The following PSD3 variants were observed in gnomAD, a reference collection of about 807,000 sequenced individuals.
The protein encoded by PSD3 is PH and SEC7 domain-containing protein 3.
A neutral mutation model predicts 105.5 loss-of-function variants in PSD3; 49 were observed. The observed-to-expected ratio is 0.46, with a 90% CI of 0.37 to 0.59. The LOEUF (loss-of-function observed/expected upper bound fraction) is 0.59. Ranked by LOEUF, PSD3 falls within the 20% of genes least tolerant of loss-of-function variation. The pLI is 0.00. For synonymous variants in PSD3, 557 were observed against 457.8 expected (o/e 1.22, Z -2.77); for missense variants, 1,561 against 1,263.8 (o/e 1.24, Z -3.57).
At chr8:18,776,673 G>A (rs1324171374) in intron 8 of PSD3, among the ~76,000 whole-genome samples, 2 of 152,134 alleles carry the variant, frequency 1.3e-5, no homozygotes, top group East Asian at 3.9e-4. Context: ...ACCGCATCTG[G>A]CCTGGTTCTT....
At chr8:18,666,210 C>G (rs1317273900) in intron 9 of PSD3, among the ~76,000 whole-genome samples, 1 of 152,164 alleles carries the variant, frequency 6.6e-6, no homozygotes, top group Non-Finnish European at 1.5e-5. Flanking sequence ...GCCACTGTGT[C>G]CTGTTTATTT....
At position 18,594,595 on chromosome 8, in the gene PSD3, C is replaced by G. The variant is rs1394357119; in HGVS notation, c.2481+5769G>C. Among the ~76,000 whole-genome samples, 9 of 149,926 alleles carry G rather than the reference C, an allele frequency of 6.0e-5. No individual in the cohort carries two copies. The Admixed American group carries it at 6.1e-4, about 10-fold the overall frequency. ...GAAATGAAAGAATGCTAAACAGAAA[C>G]AAGAAAGTATAAAGCTCAATAGCAA... On this transcript the variant is annotated intron_variant, in intron 12 of 15. Coordinates refer to ENST00000327040, the MANE Select transcript of PSD3 (RefSeq NM_015310.4).
At chr8:18,568,927 G>C (rs1374087473) in intron 14 of PSD3, among the ~76,000 whole-genome samples, 2 of 148,102 alleles carry the variant, frequency 1.4e-5, no homozygotes, top group East Asian at 4.0e-4. Flanking sequence ...TCACTGTTCA[G>C]TTCCCACCTA....
intron 9 of PSD3, among the ~76,000 whole-genome samples, chr8:18,705,616 G>A (rs62495800): frequency 0.015 from 2,190 of 150,248 alleles, 24 homozygotes; most frequent in African/African-American, 0.029. Context: ...TTAAAATTCT[G>A]TTGAAATACA....
At chr8:18,729,373 T>C (rs1803564138) in intron 9 of PSD3, among the ~76,000 whole-genome samples, 1 of 152,226 alleles carries the variant, frequency 6.6e-6, no homozygotes, top group Non-Finnish European at 1.5e-5. Flanking sequence ...CAGCAGTGTC[T>C]AACATTAGTC....
At chr8:18,774,885 T>A (rs1326548441) in intron 8 of PSD3, 1 of 456,120 alleles carries the variant, frequency 2.2e-6, no homozygotes, top group Non-Finnish European at 4.4e-6. Flanking sequence ...TCTTCCTTCT[T>A]GCCTCAAAGA....
chr8:18,529,503 T>C lies in PSD3; in HGVS notation c.*6240A>G, dbSNP rs1248193212. Reference sequence around the variant, plus strand: ...TACACCTAAGGGGACAGTCAACTGGTTCTGAATCTCAGGAGGAGAGGACTA... The same window carrying C: ...TACACCTAAGGGGACAGTCAACTGGCTCTGAATCTCAGGAGGAGAGGACTA... On this transcript the variant is annotated 3_prime_UTR_variant, in exon 16 of 16. Coordinates refer to ENST00000327040, the MANE Select transcript of PSD3 (RefSeq NM_015310.4). The C allele has an allele frequency of 6.6e-6, 1 of 152,596 alleles. No homozygotes were observed. The highest frequency in any genetic ancestry group is 2.4e-5 in the African/African-American group (1 of 41,434). The allele number at this position is 152,596 out of a possible 1,614,324, so 9.5% of individuals were successfully genotyped here.
At chr8:18,891,429 TAC>T (rs895882569) in intron 2 of PSD3, among the ~76,000 whole-genome samples, 2 of 152,218 alleles carry the variant, frequency 1.3e-5, no homozygotes, top group African/African-American at 4.8e-5. Context: ...TTGCTACGAC[TAC>T]AGTCTCCTTA....
intron 4 of PSD3, among the ~76,000 whole-genome samples, chr8:18,829,212 G>A (rs1461117191): frequency 1.3e-5 from 2 of 152,122 alleles, no homozygotes; most frequent in African/African-American, 4.8e-5. Flanking sequence ...TGTACAGCCT[G>A]GGTAACAGTG....
In PSD3 at chr8:18,970,643, C is replaced by A. The variant is rs1824590658; in HGVS notation, c.22-34501G>T. On this transcript the variant is annotated intron_variant, in intron 1 of 15. Transcript: ENST00000327040. ...ACATTTAGTCTTTCCTAGAATTGTC[C>A]TCTGAAAATCAATCAGTTAAAGATG... 2.0e-5 allele frequency among the ~76,000 whole-genome samples: 3 copies of A among 151,952 alleles called. No individual in the cohort carries two copies. In the South Asian group the frequency reaches 6.2e-4, roughly 32 times the overall value.
At chr8:18,892,175 T>TCACACACACA (rs60102889) in intron 2 of PSD3, among the ~76,000 whole-genome samples, 3,234 of 149,934 alleles carry the variant, frequency 0.022, 54 homozygotes, top group Admixed American at 0.048. Flanking sequence ...TTACTTACAA[T>TCACACACACA]CACACACACA....
chr8:19,073,011 T>C (rs956797299), intron 1 of PSD3, among the ~76,000 whole-genome samples: 33 of 152,292 alleles, frequency 2.2e-4, no homozygotes, highest in African/African-American at 7.2e-4. Flanking sequence ...GTACGAGGAT[T>C]TGGGGCTAGA....
chr8:18,811,453 G>A (rs1210406966), intron 4 of PSD3, among the ~76,000 whole-genome samples: 1 of 152,126 alleles, frequency 6.6e-6, no homozygotes. Context: ...ACCCTGGGTG[G>A]GGAGGGGAGC....
intron 4 of PSD3, among the ~76,000 whole-genome samples, chr8:18,819,385 A>C (rs1812497700): frequency 6.6e-6 from 1 of 152,136 alleles, no homozygotes; most frequent in African/African-American, 2.4e-5. Flanking sequence ...GGAGGGGATG[A>C]GGACAGAAGC....
At chr8:18,697,446 T>A (rs1451896210) in intron 9 of PSD3, among the ~76,000 whole-genome samples, 2 of 152,172 alleles carry the variant, frequency 1.3e-5, no homozygotes, top group African/African-American at 4.8e-5. Context: ...TAAACAAGAG[T>A]GCTCTGCAGA....
chr8:18,825,764 G>C (rs1006196764), intron 4 of PSD3, among the ~76,000 whole-genome samples: 2 of 152,124 alleles, frequency 1.3e-5, no homozygotes, highest in Non-Finnish European at 2.9e-5. Flanking sequence ...CTCATTGCTG[G>C]CTTTAAAAGC....
chr8:18,609,667 T>C (rs149039929), intron 11 of PSD3, among the ~76,000 whole-genome samples: 1 of 152,332 alleles, frequency 6.6e-6, no homozygotes, highest in African/African-American at 2.4e-5. Context: ...AATGACACAG[T>C]TGAAGATACA....
At chr8:18,555,882 C>A (rs1801038888) in intron 15 of PSD3, among the ~76,000 whole-genome samples, 1 of 152,180 alleles carries the variant, frequency 6.6e-6, no homozygotes, top group Non-Finnish European at 1.5e-5. Context: ...CCGGAAGAGA[C>A]ACAGGGATAC....
intron 11 of PSD3, among the ~76,000 whole-genome samples, chr8:18,604,037 G>A (rs998916686): frequency 1.3e-5 from 2 of 152,126 alleles, no homozygotes; most frequent in East Asian, 3.8e-4. Flanking sequence ...TGTCAAGTGG[G>A]GCATTGCTTA....
Sources: allele counts gnomAD v4.1 joint callset (sites outside exome capture counted in the v4.1 genomes callset), GRCh38; gene constraint gnomAD v4.1.1; transcripts MANE v1.5; gene names NCBI Gene and HGNC (gene_info 2026-07-23, HGNC 2026-07-21).